Variants in ASPH observed in about 807,000 individuals in gnomAD.
The protein encoded by ASPH is aspartyl/asparaginyl beta-hydroxylase.
In ASPH, 100 loss-of-function variants were observed where a neutral mutation model predicts 118.4. The ratio of observed to expected loss-of-function variants is 0.84; its 90% CI spans 0.72 to 1.00. ASPH has a LOEUF of 1.00. ASPH is among the 50% of genes least tolerant of loss of function. The pLI, the probability that ASPH is intolerant of heterozygous loss-of-function variation, is 0.00. For synonymous variants in ASPH, 315 were observed against 325.6 expected, an observed-to-expected ratio of 0.97 and a Z score of 0.35; for missense variants, 920 against 919.5, an observed-to-expected ratio of 1.00 and a Z score of -0.01.
At position 61,562,389 on chromosome 8, in the gene ASPH, C is replaced by CTCTGTATGTGTGTGTG. The variant is rs71257370; in HGVS notation, c.1437+354_1437+355insCACACACACATACAGA. ...AAAAAAAAAAAAAAGGAAAGTGTGT[C>CTCTGTATGTGTGTGTG]TGTGTGTGTGTGTGTGTGTGTGTGT... On this transcript the variant is annotated intron_variant, in intron 18 of 24. Transcript: ENST00000379454. Among the ~76,000 whole-genome samples, 5 of 128,994 alleles carry CTCTGTATGTGTGTGTG rather than the reference C, an allele frequency of 3.9e-5. No homozygotes were observed. In the Admixed American group the frequency reaches 4.1e-4, roughly 10 times the overall value. 84.6% of individuals were successfully genotyped at this position (128,994 alleles called of 152,430 possible). A position where few individuals can be genotyped will look rare whatever the true frequency, so the allele number is the denominator to read the frequency against.
At chr8:61,580,678 G>C (rs1481540305) in intron 15 of ASPH, among the ~76,000 whole-genome samples, 2 of 152,178 alleles carry the variant, frequency 1.3e-5, no homozygotes, top group East Asian at 3.9e-4. Flanking sequence ...TTGATTTGTG[G>C]ATGGATCACT....
At chr8:61,510,965 G>T (rs796645781) in intron 24 of ASPH, among the ~76,000 whole-genome samples, 2 of 152,128 alleles carry the variant, frequency 1.3e-5, no homozygotes, top group African/African-American at 4.8e-5. Flanking sequence ...AAAATATTTG[G>T]CTCTAAATGA....
chr8:61,659,951 G>A (rs908892897), intron 3 of ASPH: 1 of 151,470 alleles, frequency 6.6e-6, no homozygotes, highest in Non-Finnish European at 1.5e-5. Context: ...TGTTTGGAAT[G>A]AGATCTCTCT....
intron 21 of ASPH, among the ~76,000 whole-genome samples, chr8:61,534,457 C>T (rs1818731824): frequency 6.6e-6 from 1 of 152,056 alleles, no homozygotes; most frequent in African/African-American, 2.4e-5. Flanking sequence ...ATTCCACATG[C>T]TAGAGATATG....
intron 20 of ASPH, among the ~76,000 whole-genome samples, chr8:61,549,677 T>G (rs1456801204): frequency 1.3e-5 from 2 of 152,214 alleles, no homozygotes; most frequent in Non-Finnish European, 2.9e-5. Context: ...GTGGTTATTT[T>G]TGTCCAACTA....
intron 1 of ASPH, among the ~76,000 whole-genome samples, chr8:61,700,876 G>A (rs1035468438): frequency 9.2e-5 from 14 of 151,924 alleles, no homozygotes; most frequent in African/African-American, 2.7e-4. Context: ...TAAATAATTC[G>A]GCATGAGTAT....
chr8:61,522,771 A>G (rs1813605235), intron 22 of ASPH, among the ~76,000 whole-genome samples: 1 of 152,162 alleles, frequency 6.6e-6, no homozygotes, highest in South Asian at 2.1e-4. Context: ...TTTTTGGTAT[A>G]AATTACCTAG....
chr8:61,508,907 T>A (rs1324318650), intron 24 of ASPH, among the ~76,000 whole-genome samples: 1 of 152,210 alleles, frequency 6.6e-6, no homozygotes, highest in Non-Finnish European at 1.5e-5. Context: ...GACACAGCTC[T>A]TACTCATTCT....
intron 22 of ASPH, among the ~76,000 whole-genome samples, chr8:61,525,423 A>C (rs574869354): frequency 3.3e-5 from 5 of 152,174 alleles, no homozygotes; most frequent in African/African-American, 9.6e-5. Flanking sequence ...TAAGCTAAAA[A>C]AATATGAAGT....
At chr8:61,663,453 T>C in intron 3 of ASPH, 1 of 985,382 alleles carries the variant, frequency 1.0e-6, no homozygotes, top group Non-Finnish European at 1.2e-6. Flanking sequence ...TATCAAGTGG[T>C]AGCATCTCCA....
chr8:61,524,964 T>C (rs1814703750), intron 22 of ASPH, among the ~76,000 whole-genome samples: 1 of 152,160 alleles, frequency 6.6e-6, no homozygotes, highest in African/African-American at 2.4e-5. Flanking sequence ...CAAATATGGA[T>C]TGTATAGCTC....
At position 61,655,424 on chromosome 8, in the gene ASPH, A is replaced by G. The variant is rs377380122; in HGVS notation, c.323-1764T>C. On this transcript the variant is annotated intron_variant, in intron 3 of 24. Coordinates refer to ENST00000379454, the MANE Select transcript of ASPH (RefSeq NM_004318.4). Reference sequence around the variant, plus strand: ...CTGTCCTGAGATTATTTCACTCTCAAAACTATCTGTCTGAATGAAAAATTA... The same window carrying G: ...CTGTCCTGAGATTATTTCACTCTCAGAACTATCTGTCTGAATGAAAAATTA... Among the ~76,000 whole-genome samples the G allele has an allele frequency of 9.1e-4, 139 of 152,264 alleles. 3 individuals carry two copies. In the South Asian group the frequency reaches 0.027, roughly 30 times the overall value.
intron 3 of ASPH, chr8:61,668,376 A>G (rs1820756198): frequency 1.1e-6 from 1 of 887,280 alleles, no homozygotes; most frequent in Non-Finnish European, 1.7e-6. Context: ...CCACTATAAA[A>G]TATGTTAAGT....
intron 1 of ASPH, among the ~76,000 whole-genome samples, chr8:61,686,985 CCAAA>C (rs748086496): frequency 4.0e-5 from 6 of 151,814 alleles, no homozygotes; most frequent in South Asian, 4.2e-4. Context: ...GAGTATGTGG[CCAAA>C]CAGATACCCA....
chr8:61,566,767 G>C (rs1831843911), intron 17 of ASPH, among the ~76,000 whole-genome samples: 1 of 152,192 alleles, frequency 6.6e-6, no homozygotes, highest in Non-Finnish European at 1.5e-5. Context: ...ACTCACTGAA[G>C]GCTCAGATTA....
At chr8:61,575,384 C>T (rs145213021) in intron 16 of ASPH, among the ~76,000 whole-genome samples, 2 of 152,142 alleles carry the variant, frequency 1.3e-5, no homozygotes, top group South Asian at 2.1e-4. Flanking sequence ...CATACCACGT[C>T]GACCCCCTCA....
intron 1 of ASPH, chr8:61,689,548 G>A: frequency 1.1e-6 from 1 of 891,862 alleles, no homozygotes; most frequent in South Asian, 1.8e-5. Context: ...GTTCAAAATA[G>A]AAAATGTAGA....
chr8:61,670,693 T>A (rs1307632385), intron 3 of ASPH, among the ~76,000 whole-genome samples: 2 of 151,152 alleles, frequency 1.3e-5, no homozygotes, highest in Non-Finnish European at 2.9e-5. Context: ...AGAGAGGTGA[T>A]GAGGTCAGGA....
chr8:61,540,444 G>A (rs1450033741), intron 21 of ASPH, among the ~76,000 whole-genome samples: 2 of 152,148 alleles, frequency 1.3e-5, no homozygotes, highest in African/African-American at 2.4e-5. Context: ...TGCCATGTAA[G>A]CGTCCTGTGA....
Sources: gnomAD v4.1 joint callset for allele counts (sites outside exome capture counted in the v4.1 genomes callset) on GRCh38, gnomAD v4.1.1 for gene constraint, MANE v1.5 for transcripts, NCBI Gene and HGNC (gene_info 2026-07-23, HGNC 2026-07-21) for gene names.